Variants in UVRAG observed in about 807,000 individuals in gnomAD.
UVRAG encodes UV radiation resistance associated.
A neutral mutation model predicts 78.0 loss-of-function variants in UVRAG; 19 were observed. The observed-to-expected ratio is 0.24, with a 90% CI of 0.17 to 0.36. The LOEUF (loss-of-function observed/expected upper bound fraction) is 0.36. Ranked by LOEUF, UVRAG falls within the 10% of genes least tolerant of loss-of-function variation. The probability of loss-of-function intolerance (pLI) is 1.00; values close to 1 mark genes in which losing one functional copy is unlikely to be tolerated. For missense variants in UVRAG, 740 were observed against 853.8 expected (o/e 0.87, Z 1.66); for synonymous variants, 323 against 324.6 (o/e 1.00, Z 0.05).
At chr11:75,881,554 G>C (rs1946945343) in intron 4 of UVRAG, among the ~76,000 whole-genome samples, 1 of 152,214 alleles carries the variant, frequency 6.6e-6, no homozygotes, top group East Asian at 1.9e-4. Flanking sequence ...GCAGTTTCCA[G>C]CTTGAGTTTT....
intron 4 of UVRAG, among the ~76,000 whole-genome samples, chr11:75,886,600 T>C (rs1381474754): frequency 6.6e-6 from 1 of 152,246 alleles, no homozygotes; most frequent in African/African-American, 2.4e-5. Context: ...TTTAAACTTA[T>C]GATTGCAGAC....
intron 8 of UVRAG, among the ~76,000 whole-genome samples, chr11:75,995,700 A>G (rs1370564046): frequency 6.6e-6 from 1 of 152,054 alleles, no homozygotes; most frequent in African/African-American, 2.4e-5. Context: ...TAAATACATT[A>G]TTAAGTCTTG....
At chr11:76,132,484 A>G (rs540194178) in intron 14 of UVRAG, among the ~76,000 whole-genome samples, 19 of 152,166 alleles carry the variant, frequency 1.2e-4, no homozygotes, top group African/African-American at 4.3e-4. Flanking sequence ...CTGTCCTCAT[A>G]CTTTACAGTG....
At chr11:76,104,235 A>G (rs1411915553) in intron 13 of UVRAG, among the ~76,000 whole-genome samples, 1 of 152,186 alleles carries the variant, frequency 6.6e-6, no homozygotes, top group African/African-American at 2.4e-5. Context: ...TAAACAGTCT[A>G]GTTCCATGCC....
chr11:76,115,001 AAC>A (rs1330166952), intron 13 of UVRAG, among the ~76,000 whole-genome samples: 2 of 152,198 alleles, frequency 1.3e-5, no homozygotes, highest in Non-Finnish European at 2.9e-5. Context: ...TCATTTGAAA[AAC>A]ACATTTTTGC....
chr11:75,931,138 CT>C (rs905412103), intron 6 of UVRAG, among the ~76,000 whole-genome samples: 10 of 151,158 alleles, frequency 6.6e-5, no homozygotes, highest in African/African-American at 2.4e-4. Context: ...TCTTCTTTTC[CT>C]TTTTTTAATG....
chr11:75,965,025 G>C (rs1325637767), intron 7 of UVRAG, among the ~76,000 whole-genome samples: 1 of 152,064 alleles, frequency 6.6e-6, no homozygotes, highest in African/African-American at 2.4e-5. Context: ...CTTAAAATTT[G>C]ACAGGGTAAG....
At chr11:75,877,602 C>CA (rs1462714638) in intron 3 of UVRAG, among the ~76,000 whole-genome samples, 1 of 134,720 alleles carries the variant, frequency 7.4e-6, no homozygotes, top group Non-Finnish European at 1.6e-5. Context: ...GCTGGCCGGG[C>CA]GGGGGGCTGA....
intron 3 of UVRAG, among the ~76,000 whole-genome samples, chr11:75,871,109 G>A (rs1174067338): frequency 6.6e-6 from 1 of 152,068 alleles, no homozygotes; most frequent in Non-Finnish European, 1.5e-5. Context: ...CCAGACCTCA[G>A]GTGATTCGCC....
At chr11:76,127,951 C>G (rs1382310065) in intron 14 of UVRAG, among the ~76,000 whole-genome samples, 2 of 151,790 alleles carry the variant, frequency 1.3e-5, no homozygotes, top group Non-Finnish European at 2.9e-5. Context: ...GAGCGAGACC[C>G]CATCTCAAAA....
chr11:75,971,370 A>T (rs1014805525), intron 7 of UVRAG, among the ~76,000 whole-genome samples: 4 of 152,222 alleles, frequency 2.6e-5, no homozygotes, highest in Admixed American at 1.3e-4. Context: ...TAAGAGTATG[A>T]TTGCTAGATT....
At chr11:75,948,304 G>A (rs1035816402) in intron 6 of UVRAG, among the ~76,000 whole-genome samples, 3 of 152,172 alleles carry the variant, frequency 2.0e-5, no homozygotes, top group Admixed American at 2.0e-4. Context: ...TCTCATGGCA[G>A]TGTTCCAAAT....
intron 13 of UVRAG, among the ~76,000 whole-genome samples, chr11:76,111,273 G>GCAATATAATCCAAACCACAGACT (rs1952062453): frequency 6.6e-6 from 1 of 152,178 alleles, no homozygotes; most frequent in Non-Finnish European, 1.5e-5. Flanking sequence ...CCTTTACGAA[G>GCAATATAATCCAAACCACAGACT]CAATATAATC....
In UVRAG at chr11:75,865,804, A is replaced by G. The variant is rs576432988; in HGVS notation, c.270+4024A>G. 2.0e-3 allele frequency among the ~76,000 whole-genome samples: 308 copies of G among 152,106 alleles called. 1 individual carries two copies. The highest frequency in any genetic ancestry group is 6.6e-3 in the African/African-American group (274 of 41,524). On this transcript the variant is annotated intron_variant, in intron 3 of 14. Coordinates refer to ENST00000356136, the MANE Select transcript of UVRAG (RefSeq NM_003369.4). Reference sequence around the variant, plus strand: ...TAATTTTTGTATTTTTAGTAGAGACAGGATTTCGCCATGTTGGCCAGGCTG... The same window carrying G: ...TAATTTTTGTATTTTTAGTAGAGACGGGATTTCGCCATGTTGGCCAGGCTG...
chr11:76,110,986 G>A (rs572410558), intron 13 of UVRAG, among the ~76,000 whole-genome samples: 48 of 151,908 alleles, frequency 3.2e-4, no homozygotes, highest in South Asian at 8.4e-4. Context: ...AGCCTCCCGA[G>A]TAGCTGGGAG....
In UVRAG at chr11:76,089,958, A is replaced by C. The variant is rs142905457; in HGVS notation, c.1305+24170A>C. Among the ~76,000 whole-genome samples, 1,297 of 152,262 alleles carry C rather than the reference A, an allele frequency of 8.5e-3. 9 individuals carry two copies. Among genetic ancestry groups the C allele is most frequent in the Middle Eastern group, 0.031 (9 of 294 alleles). On this transcript the variant is annotated intron_variant, in intron 13 of 14. Coordinates refer to ENST00000356136, the MANE Select transcript of UVRAG (RefSeq NM_003369.4). Reference sequence around the variant, plus strand: ...GAGAAACCCTAAAAACTGAGTTTCCAGCTGTGATGGGATAGGAAGTTGGAC... The same window carrying C: ...GAGAAACCCTAAAAACTGAGTTTCCCGCTGTGATGGGATAGGAAGTTGGAC...
rs1358183181 is a variant in UVRAG at position 75,815,290 on chromosome 11, G to A, written c.-118G>A. ...CGGCGGCTACTGTCTGGGCTGAGCA[G>A]TAGTGCCTCTCGGGTGGCGGGTTTC... On this transcript the variant is annotated 5_prime_UTR_variant, in exon 1 of 15. Transcript: ENST00000356136. The A allele has an allele frequency of 3.9e-6, 2 of 517,976 alleles. No individual in the cohort carries two copies. Among genetic ancestry groups the A allele is most frequent in the Non-Finnish European group, 6.1e-6 (2 of 325,414 alleles). The allele number at this position is 517,976 out of a possible 1,614,324, so 32.1% of individuals were successfully genotyped here.
rs1390421672 is a variant in UVRAG, at chr11:76,143,977, T to G, written c.*2564T>G. 6.6e-6 allele frequency among the ~76,000 whole-genome samples: 1 copy of G among 152,212 alleles called. No homozygotes were observed. Among genetic ancestry groups the G allele is most frequent in the African/African-American group, 2.4e-5 (1 of 41,452 alleles). On this transcript the variant is annotated 3_prime_UTR_variant, in exon 15 of 15. Coordinates refer to ENST00000356136, the MANE Select transcript of UVRAG (RefSeq NM_003369.4). ...TTATCAAATGAATATTTGATTGTGT[T>G]TTTTCTCTTCACTTCCCCTTAACCA...
chr11:76,137,418 G>A (rs1313233057), intron 14 of UVRAG: 3 of 456,130 alleles, frequency 6.6e-6, no homozygotes, highest in African/African-American at 2.0e-5. Flanking sequence ...GAGGCAACGA[G>A]AAAATGCCTT....
Sources: allele counts gnomAD v4.1 joint callset (sites outside exome capture counted in the v4.1 genomes callset), GRCh38; gene constraint gnomAD v4.1.1; transcripts MANE v1.5; gene names NCBI Gene and HGNC (gene_info 2026-07-23, HGNC 2026-07-21).